Variants in ATP13A3 observed in about 807,000 individuals in gnomAD.
The protein encoded by ATP13A3 is polyamine-transporting ATPase 13A3.
In ATP13A3, 59 loss-of-function variants were observed where a neutral mutation model predicts 158.1. That is an observed-to-expected ratio of 0.37 (90% confidence interval 0.30 to 0.46). The LOEUF is 0.46. Among genes scored for constraint, ATP13A3 ranks in the 20% least tolerant of loss-of-function variants. ATP13A3 has a pLI of 1.00. For synonymous variants in ATP13A3, 491 were observed against 504.3 expected, an observed-to-expected ratio of 0.97 and a Z score of 0.35; for missense variants, 1,166 against 1,525.2, an observed-to-expected ratio of 0.76 and a Z score of 3.92.
chr3:194,413,890 T>C (rs1267283745), intron 31 of ATP13A3, 51 bp from the exon 32 acceptor site: 1 of 1,417,678 alleles, frequency 7.1e-7, no homozygotes, highest in South Asian at 1.1e-5. Flanking sequence ...TAGTCAATAT[T>C]ATAGCACTGT....
At chr3:194,492,627 TG>T (rs1488901009) in intron 2 of ATP13A3, among the ~76,000 whole-genome samples, 8 of 152,114 alleles carry the variant, frequency 5.3e-5, no homozygotes, top group African/African-American at 1.7e-4. Flanking sequence ...GCTAATTTTT[TG>T]TATTTTTAGT....
intron 11 of ATP13A3, among the ~76,000 whole-genome samples, chr3:194,449,417 C>T (rs148169339): frequency 1.3e-5 from 2 of 152,260 alleles, no homozygotes; most frequent in East Asian, 3.9e-4. Context: ...CAGTGGCTCA[C>T]GCCTGTAATT....
Position 194,462,133 on chromosome 3 carries a change from T to C in ATP13A3, c.51+7A>G. 6.2e-7 allele frequency: 1 copy of C among 1,613,148 alleles called. No homozygotes were observed. Among genetic ancestry groups the C allele is most frequent in the Non-Finnish European group, 8.5e-7 (1 of 1,179,152 alleles). ...CACATCACCAGTAAATTAGAACAGC[T>C]GGTTACCATTTCATCTTCTTGACCC... is the stretch of plus-strand genomic sequence containing the variant. On this transcript the variant is annotated splice_region_variant and intron_variant, in intron 3 of 33. Coordinates refer to ENST00000645319, the MANE Select transcript of ATP13A3 (RefSeq NM_001367549.1).
rs1319793915 is a variant in ATP13A3 at position 194,421,218 on chromosome 3, G to A, written c.3314-1251C>T. Among the ~76,000 whole-genome samples, 5 of 89,364 alleles carry A rather than the reference G, an allele frequency of 5.6e-5. No individual in the cohort carries two copies. In the East Asian group the frequency reaches 1.3e-3, roughly 24 times the overall value. 58.6% of individuals were successfully genotyped at this position (89,364 alleles called of 152,430 possible). A position where few individuals can be genotyped will look rare whatever the true frequency, so the allele number is the denominator to read the frequency against. On this transcript the variant is annotated intron_variant, in intron 30 of 33. Transcript: ENST00000645319. ...TTACACTAACACTTATACCAAAGGT[G>A]GAGACATATTTTTTACCATGAGCCA...
chr3:194,424,817 G>T (rs1716637821), intron 30 of ATP13A3, among the ~76,000 whole-genome samples: 1 of 152,184 alleles, frequency 6.6e-6, no homozygotes, highest in Admixed American at 6.5e-5. Context: ...GCAATAGCAT[G>T]CAAAGATACT....
upstream of ATP13A3, chr3:194,488,740 C>T (rs1329372650): frequency 1.3e-5 from 2 of 152,282 alleles, no homozygotes; most frequent in African/African-American, 2.4e-5. This position sits in a 1 kb window ranked among gnomAD's most constrained non-coding sequence, Gnocchi z 4.1. Context: ...AGTAAAGCCT[C>T]TGCCTCCTTG....
intron 16 of ATP13A3, among the ~76,000 whole-genome samples, chr3:194,440,748 G>C (rs1432725998): frequency 2.6e-5 from 4 of 152,168 alleles, no homozygotes; most frequent in Non-Finnish European, 5.9e-5. Flanking sequence ...TCAGAAGCCA[G>C]AAGGGAACTC....
chr3:194,407,886 G>A (rs977631917), intron 33 of ATP13A3, among the ~76,000 whole-genome samples: 4 of 152,084 alleles, frequency 2.6e-5, no homozygotes, highest in African/African-American at 4.8e-5. Flanking sequence ...TTCCAGTATA[G>A]GCACACAACA....
upstream of ATP13A3, among the ~76,000 whole-genome samples, chr3:194,489,357 C>T (rs1169981728): frequency 6.6e-6 from 1 of 152,170 alleles, no homozygotes; most frequent in Non-Finnish European, 1.5e-5. This position sits in a 1 kb window ranked among gnomAD's most constrained non-coding sequence, Gnocchi z 4.1. Context: ...GCAGGAGAAT[C>T]GCTTGAACCT....
intron 28 of ATP13A3, among the ~76,000 whole-genome samples, chr3:194,428,117 A>G (rs1228152509): frequency 3.3e-5 from 5 of 150,678 alleles, no homozygotes; most frequent in African/African-American, 1.2e-4. Context: ...GCTACTCAGG[A>G]GGCTGAGGCA....
chr3:194,481,937 C>T (rs1275020233), intron 2 of ATP13A3, among the ~76,000 whole-genome samples: 2 of 152,152 alleles, frequency 1.3e-5, no homozygotes, highest in African/African-American at 2.4e-5. Context: ...GTTTACTATT[C>T]GAGTTAATGT....
chr3:194,456,944 C>A, intron 7 of ATP13A3, 150 bp downstream of exon 7: 1 of 469,150 alleles, frequency 2.1e-6, no homozygotes, highest in Non-Finnish European at 3.8e-6. Flanking sequence ...ACAGTCTTAC[C>A]CAAATAAAAC....
intron 2 of ATP13A3, 67 bp downstream of exon 2, chr3:194,485,727 A>G (rs1268054739): frequency 2.6e-5 from 4 of 152,234 alleles, no homozygotes; most frequent in South Asian, 2.1e-4. Flanking sequence ...TTGCACTAAT[A>G]TAACCACTAA....
intron 24 of ATP13A3, 137 bp from the exon 25 acceptor site, chr3:194,430,452 A>C (rs1717135742): frequency 1.0e-6 from 1 of 959,576 alleles, no homozygotes; most frequent in Non-Finnish European, 1.6e-6. Flanking sequence ...GAATCTTTTC[A>C]CTATAATGAA....
intron 32 of ATP13A3, 144 bp downstream of exon 32, chr3:194,413,615 G>C (rs1184351672): frequency 1.3e-6 from 1 of 749,988 alleles, no homozygotes; most frequent in African/African-American, 1.7e-5. Flanking sequence ...AAGTTCACAA[G>C]AGAAGGCTAA....
At chr3:194,449,654 G>A (rs960661188) in intron 11 of ATP13A3, among the ~76,000 whole-genome samples, 1 of 151,204 alleles carries the variant, frequency 6.6e-6, no homozygotes, top group African/African-American at 2.4e-5. Context: ...TCCATCCTGG[G>A]TGACAGAACA....
chr3:194,436,998 A>T, intron 20 of ATP13A3, 97 bp downstream of exon 20: 1 of 1,371,786 alleles, frequency 7.3e-7, no homozygotes, highest in Non-Finnish European at 1.0e-6. Context: ...CTTTTCATAC[A>T]TTCAATAAAT....
intron 30 of ATP13A3, among the ~76,000 whole-genome samples, chr3:194,424,076 T>C (rs768059718): frequency 3.3e-5 from 5 of 152,028 alleles, no homozygotes; most frequent in Non-Finnish European, 7.4e-5. Context: ...TAATAAGTTA[T>C]CTGTAGTAAA....
intron 2 of ATP13A3, among the ~76,000 whole-genome samples, chr3:194,477,764 G>C (rs1291877524): frequency 6.6e-6 from 1 of 152,190 alleles, no homozygotes. Context: ...GTCTCTTCCT[G>C]ACTGGGCCCC....
Sources: gnomAD v4.1 joint callset for allele counts (sites outside exome capture counted in the v4.1 genomes callset) on GRCh38, gnomAD v4.1.1 for gene constraint, Gnocchi (gnomAD v3.1) non-coding constraint, MANE v1.5 for transcripts, NCBI Gene and HGNC (gene_info 2026-07-23, HGNC 2026-07-21) for gene names.